The following TFCP2L1 variants were observed in gnomAD, a reference collection of about 807,000 sequenced individuals.
The protein encoded by TFCP2L1 is transcription factor CP2 like 1.
Under a neutral mutation model 72.2 loss-of-function variants are expected in TFCP2L1, and 12 were observed. The observed-to-expected ratio is 0.17, with a 90% CI of 0.11 to 0.27. TFCP2L1 has a LOEUF of 0.27. TFCP2L1 is among the 10% of genes least tolerant of loss of function. The probability of loss-of-function intolerance (pLI) is 1.00; values close to 1 mark genes in which losing one functional copy is unlikely to be tolerated. For synonymous variants in TFCP2L1, 260 were observed against 251.0 expected, an observed-to-expected ratio of 1.04 and a Z score of -0.34; for missense variants, 488 against 624.6, an observed-to-expected ratio of 0.78 and a Z score of 2.33.
At chr2:121,227,975 G>A (rs1029475689) in intron 13 of TFCP2L1, among the ~76,000 whole-genome samples, 5 of 152,212 alleles carry the variant, frequency 3.3e-5, no homozygotes, top group African/African-American at 7.2e-5. Context: ...GAAGCCCTAC[G>A]CAGAGCCCAC....
Position 121,242,342 on chromosome 2 carries a change from G to A in TFCP2L1, c.768+17C>T, listed in dbSNP as rs199571615. 3.1e-4 allele frequency: 494 copies of A among 1,609,084 alleles called. 3 individuals are homozygous for A. The East Asian group carries it at 9.7e-3, about 31-fold the overall frequency. On this transcript the variant is annotated intron_variant, in intron 7 of 14. Coordinates refer to ENST00000263707, the MANE Select transcript of TFCP2L1 (RefSeq NM_014553.3). The stretch of plus-strand genomic sequence containing the variant: ...GAAGACCCTTGGAGGCTCTGTCCCC[G>A]CACCCAGCCGGCTCACCTCTGTGAG...
intron 7 of TFCP2L1, among the ~76,000 whole-genome samples, chr2:121,241,313 G>A (rs148012791): frequency 3.2e-4 from 48 of 152,264 alleles, no homozygotes; most frequent in African/African-American, 1.1e-3. Context: ...GGCCAACATG[G>A]TGAAACCCCG....
chr2:121,270,514 A>G (rs1687025077), intron 2 of TFCP2L1, among the ~76,000 whole-genome samples: 1 of 152,208 alleles, frequency 6.6e-6, no homozygotes. Context: ...AAAGATATAC[A>G]TAGATGTTCA....
At chr2:121,237,244 C>G (rs546677015) in intron 10 of TFCP2L1, among the ~76,000 whole-genome samples, 3 of 152,310 alleles carry the variant, frequency 2.0e-5, no homozygotes, top group Admixed American at 1.3e-4. Flanking sequence ...GCTCCCAGGT[C>G]GTGGCTCTGG....
intron 2 of TFCP2L1, among the ~76,000 whole-genome samples, chr2:121,266,326 G>A (rs1006614225): frequency 6.6e-6 from 1 of 151,988 alleles, no homozygotes; most frequent in Admixed American, 6.6e-5. Flanking sequence ...CAAAGTTAGT[G>A]GCAGAAGGAA....
In TFCP2L1 at chr2:121,269,920, T is replaced by C. The variant is rs75923548; in HGVS notation, c.214+11200A>G. ...CAAGACTCCATCTAAAAAAAAAAAATATATATATATATATATGCAAAAGAA... is the reference window on the plus strand; with the variant it reads ...CAAGACTCCATCTAAAAAAAAAAAACATATATATATATATATGCAAAAGAA... On this transcript the variant is annotated intron_variant, in intron 2 of 14. Transcript: ENST00000263707. Among the ~76,000 whole-genome samples, 177 of 27,858 alleles carry C rather than the reference T, an allele frequency of 6.4e-3. 6 individuals carry two copies. Among genetic ancestry groups the C allele is most frequent in the Non-Finnish European group, 0.013 (122 of 9,416 alleles). 18.3% of individuals were successfully genotyped at this position (27,858 alleles called of 152,430 possible).
chr2:121,233,625 GC>G (rs1458160427), intron 12 of TFCP2L1, among the ~76,000 whole-genome samples: 2 of 152,196 alleles, frequency 1.3e-5, no homozygotes, highest in Admixed American at 1.3e-4. Context: ...CAAGCTGCCA[GC>G]AAAAAGAATT....
At chr2:121,264,018 C>T (rs1686881192) in intron 2 of TFCP2L1, among the ~76,000 whole-genome samples, 1 of 152,224 alleles carries the variant, frequency 6.6e-6, no homozygotes, top group African/African-American at 2.4e-5. Context: ...AGTAGAAAAA[C>T]CAAATCTCCA....
intron 2 of TFCP2L1, among the ~76,000 whole-genome samples, chr2:121,274,941 CA>C (rs762343920): frequency 0.028 from 3,490 of 125,686 alleles, 25 homozygotes; most frequent in Non-Finnish European, 0.031. Context: ...GACCCTGTCT[CA>C]AAAAAAAAAA....
rs373515390 is a variant in TFCP2L1, at chr2:121,237,848, T to C, written c.863A>G (p.Asn288Ser). ...CTCCACCGGGTGGGTCGGAGAGGCG[T>C]TGCTGCAAGGAAAAGGAACCAGTGA... ...SPNSFGLGEG[N>S]ASPTHPVEAL... The change falls in exon 9 of 15, where the codon AAC becomes AGC. Residue 288 changes from asparagine to serine, a missense_variant and splice_region_variant. Coordinates refer to ENST00000263707, the MANE Select transcript of TFCP2L1 (RefSeq NM_014553.3). 2.9e-5 allele frequency: 46 copies of C among 1,613,872 alleles called. No homozygotes were observed. The highest frequency in any genetic ancestry group is 3.7e-5 in the Non-Finnish European group (44 of 1,179,954).
chr2:121,235,382 C>T, intron 10 of TFCP2L1, 71 bp from the exon 11 acceptor site: 1 of 1,514,046 alleles, frequency 6.6e-7, no homozygotes, highest in Non-Finnish European at 9.2e-7. Context: ...CAACCAGCTG[C>T]AGACCCCATA....
chr2:121,234,895 C>G (rs568718410), intron 11 of TFCP2L1, among the ~76,000 whole-genome samples: 1 of 152,334 alleles, frequency 6.6e-6, no homozygotes, highest in Admixed American at 6.5e-5. Context: ...AGCTCCGAGC[C>G]CAGGACCACA....
chr2:121,237,498 C>T (rs1686275177), intron 10 of TFCP2L1, 125 bp downstream of exon 10: 6 of 1,124,436 alleles, frequency 5.3e-6, no homozygotes, highest in African/African-American at 1.5e-5. Context: ...CGAACCCACA[C>T]TATCTCGGGT....
intron 1 of TFCP2L1, among the ~76,000 whole-genome samples, chr2:121,283,164 A>T (rs1687298559): frequency 6.6e-6 from 1 of 152,212 alleles, no homozygotes; most frequent in South Asian, 2.1e-4. Flanking sequence ...ATCCCTCAAC[A>T]GTAACTTGTT....
rs920333605 is a variant in TFCP2L1 at position 121,219,068 on chromosome 2, G to A, written c.*5273C>T. 6.6e-6 allele frequency: 1 copy of A among 152,336 alleles called. No homozygotes were observed. Among genetic ancestry groups the A allele is most frequent in the African/African-American group, 2.4e-5 (1 of 41,454 alleles). The allele number at this position is 152,336 out of a possible 1,614,324, so 9.4% of individuals were successfully genotyped here. A position where few individuals can be genotyped will look rare whatever the true frequency, so the allele number is the denominator to read the frequency against. ...AGATGACACAGAGCATGCAACCCGA[G>A]CGGAAGTGCCTGTGTGAAGCCAGTC... On this transcript the variant is annotated 3_prime_UTR_variant, in exon 15 of 15. Transcript: ENST00000263707.
At chr2:121,234,312 G>A (rs1686201383) in intron 11 of TFCP2L1, 118 bp from the exon 12 acceptor site, 1 of 897,846 alleles carries the variant, frequency 1.1e-6, no homozygotes, top group South Asian at 1.6e-5. Flanking sequence ...GACAGCGGTG[G>A]TGACGTGGAG....
chr2:121,243,506 G>A (rs530774419), intron 6 of TFCP2L1, among the ~76,000 whole-genome samples: 4 of 152,176 alleles, frequency 2.6e-5, no homozygotes, highest in South Asian at 2.1e-4. Flanking sequence ...GTGAGTGAGC[G>A]AAGCTTCATC....
chr2:121,241,973 G>A (rs1044230691), intron 7 of TFCP2L1, among the ~76,000 whole-genome samples: 5 of 151,060 alleles, frequency 3.3e-5, no homozygotes, highest in Non-Finnish European at 4.4e-5. Flanking sequence ...GAAGGTTTCT[G>A]CCCTGGAGGG....
At chr2:121,238,461 T>C (rs903388054) in intron 8 of TFCP2L1, among the ~76,000 whole-genome samples, 1 of 152,224 alleles carries the variant, frequency 6.6e-6, no homozygotes, top group African/African-American at 2.4e-5. Flanking sequence ...GCTCTCCAGG[T>C]GGACGGCGGT....
Sources: gnomAD v4.1 joint callset for allele counts (sites outside exome capture counted in the v4.1 genomes callset) on GRCh38, gnomAD v4.1.1 for gene constraint, MANE v1.5 for transcripts, NCBI Gene and HGNC (gene_info 2026-07-23, HGNC 2026-07-21) for gene names.